Variants in PTK2B observed in about 807,000 individuals in gnomAD.
PTK2B encodes the protein protein-tyrosine kinase 2-beta.
Under a neutral mutation model 142.9 loss-of-function variants are expected in PTK2B, and 71 were observed. That is an observed-to-expected ratio of 0.50 (90% CI 0.41 to 0.61). PTK2B has a LOEUF of 0.61. Ranked by LOEUF, PTK2B falls within the 20% of genes least tolerant of loss-of-function variation. The pLI, the probability that PTK2B is intolerant of heterozygous loss-of-function variation, is 0.00. For synonymous variants in PTK2B, 519 were observed against 503.4 expected (o/e 1.03, Z -0.42); for missense variants, 1,105 against 1,320.4 (o/e 0.84, Z 2.53).
At chr8:27,440,732 G>A (rs1300216846) in intron 21 of PTK2B, among the ~76,000 whole-genome samples, 7 of 152,216 alleles carry the variant, frequency 4.6e-5, no homozygotes, top group African/African-American at 9.6e-5. Flanking sequence ...GACTCTCATC[G>A]AAGTGCCTGT....
chr8:27,310,683 TG>T (rs572568843), upstream of PTK2B: 133 of 1,217,168 alleles, frequency 1.1e-4, no homozygotes, highest in African/African-American at 1.9e-3. Flanking sequence ...TCCTGCATGC[TG>T]GGAGCGAGAC....
rs373719575 is a variant in PTK2B at position 27,449,685 on chromosome 8, G to A, written c.2341-1064G>A. ...CTCCTCCATCTGTCCAGGAGGCCAG[G>A]GTCCCCATGTGCAGCACAACAAGAG... On this transcript the variant is annotated intron_variant, in intron 24 of 30. Transcript: ENST00000346049. 2.1e-4 allele frequency among the ~76,000 whole-genome samples: 32 copies of A among 152,330 alleles called. No homozygotes were observed. The East Asian group carries it at 5.4e-3, about 26-fold the overall frequency.
intron 1 of PTK2B, among the ~76,000 whole-genome samples, chr8:27,389,298 A>G (rs1222354458): frequency 6.6e-6 from 1 of 152,080 alleles, no homozygotes; most frequent in Non-Finnish European, 1.5e-5. Context: ...GGAGGGAAGG[A>G]AGGAAAGAAG....
At chr8:27,356,064 A>C (rs62502394) in intron 1 of PTK2B, among the ~76,000 whole-genome samples, 212 of 152,266 alleles carry the variant, frequency 1.4e-3, no homozygotes, top group Non-Finnish European at 2.6e-3. Flanking sequence ...ATACTAGAAT[A>C]GTAACACCTT....
chr8:27,394,810 C>A (rs774910370), intron 1 of PTK2B, among the ~76,000 whole-genome samples: 1 of 152,032 alleles, frequency 6.6e-6, no homozygotes, highest in Non-Finnish European at 1.5e-5. Flanking sequence ...TATAAGCTTT[C>A]CATTTCTAAA....
At chr8:27,331,523 A>T (rs1158766648) in intron 1 of PTK2B, among the ~76,000 whole-genome samples, 1 of 151,958 alleles carries the variant, frequency 6.6e-6, no homozygotes, top group Non-Finnish European at 1.5e-5. Flanking sequence ...ATGAGCCAAG[A>T]CTACAGGCAC....
intron 1 of PTK2B, among the ~76,000 whole-genome samples, chr8:27,356,765 A>G (rs991062708): frequency 2.0e-5 from 3 of 152,264 alleles, no homozygotes; most frequent in Non-Finnish European, 2.9e-5. Flanking sequence ...AACGACCTGG[A>G]TGGATCTCAA....
chr8:27,430,802 C>A (rs1810365070), intron 7 of PTK2B, 74 bp from the exon 8 acceptor site: 1 of 1,554,552 alleles, frequency 6.4e-7, no homozygotes, highest in Non-Finnish European at 8.7e-7. Flanking sequence ...GGCAGTCTCT[C>A]AGCGAGACCC....
At chr8:27,366,291 G>A (rs1806015889) in intron 1 of PTK2B, among the ~76,000 whole-genome samples, 1 of 152,206 alleles carries the variant, frequency 6.6e-6, no homozygotes, top group Non-Finnish European at 1.5e-5. Flanking sequence ...CCCCCAGGGG[G>A]AGGCTGTCTA....
rs376211616 is a variant in PTK2B at position 27,443,689 on chromosome 8, T to C, written c.2149-517T>C. ...CCTGCACTTCCTTAATGCTATCACA[T>C]TGGGGGTTCAGGCTTCAACATGCAA... On this transcript the variant is annotated intron_variant, in intron 22 of 30. Coordinates refer to ENST00000346049, the MANE Select transcript of PTK2B (RefSeq NM_173176.3). Among the ~76,000 whole-genome samples the C allele has an allele frequency of 7.2e-5, 11 of 152,328 alleles. No homozygotes were observed. The East Asian group carries it at 1.5e-3, about 21-fold the overall frequency.
chr8:27,425,286 A>C (rs1407858641), intron 5 of PTK2B, among the ~76,000 whole-genome samples: 5 of 151,968 alleles, frequency 3.3e-5, no homozygotes, highest in African/African-American at 9.7e-5. Context: ...CATGCTATAC[A>C]ATAGTAACGT....
chr8:27,391,978 G>A (rs1252613659), intron 1 of PTK2B, among the ~76,000 whole-genome samples: 1 of 152,172 alleles, frequency 6.6e-6, no homozygotes, highest in Non-Finnish European at 1.5e-5. Context: ...CGACGGTCTG[G>A]GGCAGACCAG....
At chr8:27,350,487 A>G (rs1804978813) in intron 1 of PTK2B, among the ~76,000 whole-genome samples, 1 of 152,040 alleles carries the variant, frequency 6.6e-6, no homozygotes, top group Admixed American at 6.6e-5. Flanking sequence ...TATTTCAATA[A>G]CCTTTGGGGA....
chr8:27,390,997 A>G (rs1274432121), intron 1 of PTK2B, among the ~76,000 whole-genome samples: 1 of 152,216 alleles, frequency 6.6e-6, no homozygotes, highest in African/African-American at 2.4e-5. Flanking sequence ...AATGAGTTAA[A>G]TGTACGCGCC....
intron 6 of PTK2B, 51 bp from the exon 7 acceptor site, chr8:27,430,313 G>A (rs1810330493): frequency 6.2e-7 from 1 of 1,611,448 alleles, no homozygotes; most frequent in Non-Finnish European, 8.5e-7. Context: ...CCGCAGTCCT[G>A]TGGTGGGGGT....
chr8:27,346,356 G>A (rs966609993), intron 1 of PTK2B, among the ~76,000 whole-genome samples: 2 of 152,036 alleles, frequency 1.3e-5, no homozygotes, highest in African/African-American at 4.8e-5. Flanking sequence ...GCAACATGAC[G>A]AGACCCTGCC....
chr8:27,310,726 G>A (rs769417597), upstream of PTK2B: 14 of 1,464,212 alleles, frequency 9.6e-6, no homozygotes, highest in Non-Finnish European at 1.3e-5. Context: ...AGGCAGGAGG[G>A]GCGGGAGCCG....
chr8:27,411,522 G>GAAGA (rs1356125219), intron 2 of PTK2B, among the ~76,000 whole-genome samples: 1 of 152,204 alleles, frequency 6.6e-6, no homozygotes, highest in Non-Finnish European at 1.5e-5. Context: ...TGGTTTGAAT[G>GAAGA]AAGAAGCCAT....
At chr8:27,433,964 G>A (rs976878072) in intron 11 of PTK2B, 129 bp from the exon 12 acceptor site, 2 of 1,272,906 alleles carry the variant, frequency 1.6e-6, no homozygotes, top group Non-Finnish European at 2.3e-6. Flanking sequence ...TAGCTCCCAG[G>A]CTAGGAGAGA....
Sources: gnomAD v4.1 joint callset for allele counts (sites outside exome capture counted in the v4.1 genomes callset) on GRCh38, gnomAD v4.1.1 for gene constraint, MANE v1.5 for transcripts, NCBI Gene and HGNC (gene_info 2026-07-23, HGNC 2026-07-21) for gene names.